PLEKHM2: variants seen among roughly 807,000 people sequenced by gnomAD.
PLEKHM2 encodes the protein pleckstrin homology domain-containing family M member 2.
Under a neutral mutation model 116.3 loss-of-function variants are expected in PLEKHM2, and 77 were observed. The observed-to-expected ratio is 0.66, with a 90% CI of 0.55 to 0.80. The LOEUF (loss-of-function observed/expected upper bound fraction) is 0.80, where lower values mean the gene tolerates loss of function less well. Ranked by LOEUF, PLEKHM2 falls within the 30% of genes least tolerant of loss-of-function variation. The pLI is 0.00. For missense variants in PLEKHM2, 1,183 were observed against 1,354.9 expected, an observed-to-expected ratio of 0.87 and a Z score of 1.99; for synonymous variants, 562 against 571.0, an observed-to-expected ratio of 0.98 and a Z score of 0.22.
intron 1 of PLEKHM2, among the ~76,000 whole-genome samples, chr1:15,708,066 G>A (rs548150542): frequency 1.5e-4 from 23 of 151,902 alleles, no homozygotes; most frequent in Non-Finnish European, 2.8e-4. Flanking sequence ...TGTATTTTTA[G>A]TAGAGATGGG....
intron 1 of PLEKHM2, among the ~76,000 whole-genome samples, chr1:15,694,357 A>C (rs377750646): frequency 7.2e-5 from 11 of 152,098 alleles, no homozygotes; most frequent in African/African-American, 1.9e-4. Flanking sequence ...TCAAAAAAAA[A>C]ACACAAAAAA....
chr1:15,720,304 A>G, intron 6 of PLEKHM2: 9 of 984,396 alleles, frequency 9.1e-6, no homozygotes, highest in Non-Finnish European at 8.4e-6. Context: ...CTGACCCCAC[A>G]TTCTTTGCAG....
intron 7 of PLEKHM2, chr1:15,723,443 C>T (rs995585973): frequency 7.4e-6 from 1 of 135,200 alleles, no homozygotes; most frequent in Non-Finnish European, 1.6e-5. Context: ...TAAAAGACAG[C>T]AGACTTAAAA....
intron 8 of PLEKHM2, among the ~76,000 whole-genome samples, chr1:15,726,355 CACTG>C (rs1433975458): frequency 6.6e-6 from 1 of 152,218 alleles, no homozygotes; most frequent in Non-Finnish European, 1.5e-5. Flanking sequence ...TAAAACTTCA[CACTG>C]ACTAAGAGGA....
Position 15,684,634 on chromosome 1 carries a change from C to A in PLEKHM2, c.60+16C>A. 1 of 1,265,258 alleles carries A rather than the reference C, an allele frequency of 7.9e-7. No homozygotes were observed. 78.4% of individuals were successfully genotyped at this position (1,265,258 alleles called of 1,614,324 possible). ...GGTGAAGAAGGTGAGCGCGGCCTCC[C>A]TCCCGGCCGGGGCCCCTTCCTCGCC... On this transcript the variant is annotated intron_variant, in intron 1 of 19. Transcript: ENST00000375799.
intron 1 of PLEKHM2, among the ~76,000 whole-genome samples, chr1:15,693,708 A>C (rs1393641815): frequency 6.6e-6 from 1 of 152,216 alleles, no homozygotes; most frequent in African/African-American, 2.4e-5. Context: ...CAGTGTGAAA[A>C]GAAATTCCCA....
intron 1 of PLEKHM2, among the ~76,000 whole-genome samples, chr1:15,699,747 C>T (rs537769613): frequency 1.3e-5 from 2 of 152,136 alleles, no homozygotes; most frequent in South Asian, 4.1e-4. Context: ...ATCGCTTGAG[C>T]CCAGGAGTTC....
chr1:15,731,989 G>C lies in PLEKHM2; in HGVS notation c.2566G>C (p.Glu856Gln). 6.2e-7 allele frequency: 1 copy of C among 1,612,456 alleles called. No individual in the cohort carries two copies. The highest frequency in any genetic ancestry group is 8.5e-7 in the Non-Finnish European group (1 of 1,179,694). The change falls in exon 17 of 20, where the codon GAG becomes CAG. Residue 856 changes from glutamate to glutamine, a missense_variant. Physicochemically the swap from Glu to Gln is conservative, Grantham distance 29. Coordinates refer to ENST00000375799, the MANE Select transcript of PLEKHM2 (RefSeq NM_015164.4). ...SDRPCLELSAESEAEMAEWMQ... is the reference protein window; with the variant it reads ...SDRPCLELSAQSEAEMAEWMQ... Reference sequence around the variant, plus strand: ...CCGGCCCTGCCTGGAGCTAAGTGCCGAGAGCGAGGCCGAGATGGCCGAGTG... The same window carrying C: ...CCGGCCCTGCCTGGAGCTAAGTGCCCAGAGCGAGGCCGAGATGGCCGAGTG...
intron 1 of PLEKHM2, among the ~76,000 whole-genome samples, chr1:15,696,265 T>C (rs116313269): frequency 0.01 from 1,542 of 152,300 alleles, 28 homozygotes; most frequent in African/African-American, 0.034. Context: ...ATGGTGTTGG[T>C]CTTGAAGTAA....
chr1:15,691,620 A>G (rs1640889760), intron 1 of PLEKHM2, among the ~76,000 whole-genome samples: 2 of 152,282 alleles, frequency 1.3e-5, no homozygotes, highest in South Asian at 4.1e-4. Flanking sequence ...CTGGCCAGGC[A>G]CACTGCCTTG....
intron 1 of PLEKHM2, among the ~76,000 whole-genome samples, chr1:15,706,758 AC>A (rs1240682927): frequency 6.6e-6 from 1 of 151,548 alleles, no homozygotes; most frequent in Non-Finnish European, 1.5e-5. Context: ...ACAGATTTCC[AC>A]ACCCTGCTTC....
At chr1:15,730,216 G>A (rs949160024) in intron 14 of PLEKHM2, among the ~76,000 whole-genome samples, 8 of 152,194 alleles carry the variant, frequency 5.3e-5, no homozygotes, top group African/African-American at 9.6e-5. Flanking sequence ...CAAGGCAGGC[G>A]GATCACCTGA....
intron 16 of PLEKHM2, 31 bp downstream of exon 16, chr1:15,731,288 T>C: frequency 6.6e-7 from 1 of 1,512,972 alleles, no homozygotes; most frequent in South Asian, 1.2e-5. Context: ...GGGTGTATCC[T>C]GGGGCCCAGA....
rs144541067 is a variant in PLEKHM2 at position 15,734,077 on chromosome 1, A to G, written c.*143A>G. ...GCAGAACCACCGAGTGTGGCTTAAGACAGGGTCCCTCCACTCCAGGGATCC... is the reference window on the plus strand; with the variant it reads ...GCAGAACCACCGAGTGTGGCTTAAGGCAGGGTCCCTCCACTCCAGGGATCC... On this transcript the variant is annotated 3_prime_UTR_variant, in exon 20 of 20. Coordinates refer to ENST00000375799, the MANE Select transcript of PLEKHM2 (RefSeq NM_015164.4). 6 of 904,510 alleles carry G rather than the reference A, an allele frequency of 6.6e-6. No individual in the cohort carries two copies. The highest frequency in any genetic ancestry group is 5.5e-5 in the East Asian group (2 of 36,152). 56.0% of individuals were successfully genotyped at this position (904,510 alleles called of 1,614,324 possible).
chr1:15,716,605 G>A (rs1308177129), intron 2 of PLEKHM2, 102 bp from the exon 3 acceptor site: 4 of 1,192,358 alleles, frequency 3.4e-6, no homozygotes, highest in Non-Finnish European at 2.4e-6. Context: ...ACCTGCTGGG[G>A]ATCCATCACT....
intron 1 of PLEKHM2, among the ~76,000 whole-genome samples, chr1:15,699,985 C>G (rs1469228257): frequency 2.1e-5 from 3 of 142,188 alleles, no homozygotes; most frequent in Non-Finnish European, 3.0e-5. Flanking sequence ...AGTGAGCCCC[C>G]ATCTCAAAAA....
intron 1 of PLEKHM2, among the ~76,000 whole-genome samples, chr1:15,688,639 G>C: frequency 7.5e-6 from 1 of 133,102 alleles, no homozygotes; most frequent in Admixed American, 7.8e-5. Flanking sequence ...GACAGAGGGA[G>C]ACTCTGTCTC....
At chr1:15,720,149 T>TATA in intron 6 of PLEKHM2, among the ~76,000 whole-genome samples, 1 of 118,656 alleles carries the variant, frequency 8.4e-6, no homozygotes, top group Middle Eastern at 3.9e-3. Flanking sequence ...TATATATATA[T>TATA]AAAATATATA....
chr1:15,694,364 A>AAAAC (rs560322267), intron 1 of PLEKHM2, among the ~76,000 whole-genome samples: 7 of 152,008 alleles, frequency 4.6e-5, no homozygotes, highest in Admixed American at 1.3e-4. Context: ...AAAAACACAA[A>AAAAC]AAACAAACAA....
Sources: allele counts gnomAD v4.1 joint callset (sites outside exome capture counted in the v4.1 genomes callset), GRCh38; gene constraint gnomAD v4.1.1; transcripts MANE v1.5; gene names NCBI Gene and HGNC (gene_info 2026-07-23, HGNC 2026-07-21).